Variants in CNGB1 observed in about 807,000 individuals in gnomAD.
CNGB1 encodes cyclic nucleotide-gated channel beta-1.
In CNGB1, 126 loss-of-function variants were observed where a neutral mutation model predicts 151.7. That is an observed-to-expected ratio of 0.83 (90% CI 0.72 to 0.96). CNGB1 has a LOEUF of 0.96. CNGB1 is among the 40% of genes least tolerant of loss of function. The probability of loss-of-function intolerance (pLI) is 0.00; values close to 1 mark genes in which losing one functional copy is unlikely to be tolerated. For missense variants in CNGB1, 1,698 were observed against 1,627.0 expected (o/e 1.04, Z -0.75); for synonymous variants, 623 against 635.1 (o/e 0.98, Z 0.29).
chr16:57,923,221 C>A, intron 18 of CNGB1, 52 bp downstream of exon 18: 1 of 1,305,842 alleles, frequency 7.7e-7, no homozygotes, highest in South Asian at 1.2e-5. Context: ...CCCCCACATC[C>A]CCCACCCTCC....
intron 27 of CNGB1, among the ~76,000 whole-genome samples, chr16:57,902,868 C>G (rs1724983140): frequency 1.3e-5 from 2 of 152,188 alleles, no homozygotes; most frequent in African/African-American, 4.8e-5. Context: ...CCGCCTCAGC[C>G]TCCCAAAGTG....
At chr16:57,890,247 G>A (rs564829123) in intron 31 of CNGB1, among the ~76,000 whole-genome samples, 3 of 152,282 alleles carry the variant, frequency 2.0e-5, no homozygotes, top group African/African-American at 7.2e-5. Context: ...GAGGCAATGG[G>A]TTTAAATTGT....
At chr16:57,946,937 C>T (rs1227378257) in intron 14 of CNGB1, among the ~76,000 whole-genome samples, 1 of 152,234 alleles carries the variant, frequency 6.6e-6, no homozygotes, top group Non-Finnish European at 1.5e-5. Context: ...ACTCTGGATG[C>T]ATGTGCATTT....
chr16:57,887,400 G>T (rs745506133), intron 32 of CNGB1, among the ~76,000 whole-genome samples: 6 of 152,050 alleles, frequency 3.9e-5, no homozygotes, highest in Non-Finnish European at 5.9e-5. Context: ...ACACCGAATG[G>T]CTCAAGAATT....
Position 57,920,483 on chromosome 16 carries a change from G to A in CNGB1, c.1705C>T (p.Gln569Ter), listed in dbSNP as rs1463251101. 2 of 1,614,174 alleles carry A rather than the reference G, an allele frequency of 1.2e-6. No individual in the cohort carries two copies. The highest frequency in any genetic ancestry group is 1.7e-6 in the Non-Finnish European group (2 of 1,180,042). Residue 569 changes from glutamine to a stop codon, truncating the protein, a stop_gained, in exon 19 of 33, where the codon CAG (glutamine) becomes TAG (stop). Transcript: ENST00000251102. LOFTEE classifies it high-confidence loss of function. ...TNSAIINDRLQELVKLFKERT... is the reference protein window; with the variant it reads ...TNSAIINDRL Reference sequence around the variant, plus strand: ...TCCTTGAAGAGCTTCACCAGCTCCTGGAGCCGGTCGTTGATGATGGCGCTA... The same window carrying A: ...TCCTTGAAGAGCTTCACCAGCTCCTAGAGCCGGTCGTTGATGATGGCGCTA...
At chr16:57,954,098 C>T (rs1962027490) in intron 12 of CNGB1, among the ~76,000 whole-genome samples, 1 of 152,196 alleles carries the variant, frequency 6.6e-6, no homozygotes, top group Non-Finnish European at 1.5e-5. Flanking sequence ...TCCCCATTGC[C>T]TACAGCTTAG....
intron 17 of CNGB1, 68 bp downstream of exon 17, chr16:57,931,648 C>T: frequency 6.4e-7 from 1 of 1,568,830 alleles, no homozygotes; most frequent in East Asian, 2.3e-5. Context: ...TGGCCTCAGT[C>T]TCTTCATCTG....
rs1959820967 is a variant in CNGB1, at chr16:57,883,794, C to T, written c.*370G>A. On this transcript the variant is annotated 3_prime_UTR_variant, in exon 33 of 33. Transcript: ENST00000251102. The stretch of plus-strand genomic sequence containing the variant: ...ACCCCACACATTCAATAACACTTTA[C>T]TTTTTCAGCAAAGCTTCCCATGTAT... 1 of 351,264 alleles carries T rather than the reference C, an allele frequency of 2.8e-6. No homozygotes were observed. The highest frequency in any genetic ancestry group is 7.1e-5 in the East Asian group (1 of 14,068). The allele number at this position is 351,264 out of a possible 1,614,324, so 21.8% of individuals were successfully genotyped here.
intron 7 of CNGB1, among the ~76,000 whole-genome samples, chr16:57,961,446 T>G (rs1252469812): frequency 5.9e-5 from 9 of 152,160 alleles, no homozygotes; most frequent in Admixed American, 5.2e-4. Context: ...TCTGGGAAGC[T>G]CCACTCTCTT....
At chr16:57,916,866 T>C (rs1430600177) in intron 21 of CNGB1, among the ~76,000 whole-genome samples, 1 of 152,100 alleles carries the variant, frequency 6.6e-6, no homozygotes, top group Non-Finnish European at 1.5e-5. Context: ...GCATGCATCG[T>C]TTCAACCAAT....
intron 14 of CNGB1, among the ~76,000 whole-genome samples, chr16:57,948,268 A>G (rs1173706460): frequency 1.3e-5 from 2 of 151,476 alleles, no homozygotes; most frequent in African/African-American, 2.4e-5. Context: ...AACAAGTTCA[A>G]GGCTTTACAA....
intron 17 of CNGB1, among the ~76,000 whole-genome samples, chr16:57,925,371 C>A (rs1961156099): frequency 6.6e-6 from 1 of 152,150 alleles, no homozygotes; most frequent in Non-Finnish European, 1.5e-5. Context: ...TAGACTAATA[C>A]AGGAATTGAA....
At chr16:57,891,851 C>T (rs145114013) in intron 31 of CNGB1, among the ~76,000 whole-genome samples, 21 of 152,210 alleles carry the variant, frequency 1.4e-4, no homozygotes, top group African/African-American at 2.9e-4. Context: ...GCCACTGTGC[C>T]GGCTAAAGAC....
rs1000656405 is a variant in CNGB1 at position 57,922,524 on chromosome 16, G to A, written c.1643+749C>T. Among the ~76,000 whole-genome samples the A allele has an allele frequency of 1.1e-4, 16 of 151,198 alleles. No homozygotes were observed. The South Asian group carries it at 1.2e-3, about 12-fold the overall frequency. ...GCTCACTGCAACCTCTACCTCCCAG[G>A]TTCAAGTGATTCTCCTGTCTCAGCC... On this transcript the variant is annotated intron_variant, in intron 18 of 32. Coordinates refer to ENST00000251102, the MANE Select transcript of CNGB1 (RefSeq NM_001297.5).
chr16:57,940,295 G>A lies in CNGB1; in HGVS notation c.1148C>T (p.Ser383Leu), dbSNP rs1340092292. ...TEVLLDSCVV[S>L]QVGVGQSEED... ...TTCACTCTGGCCCACGCCCACCTGC[G>A]ACACCACACAGCTATCCAGCAGCAC... The change falls in exon 15 of 33, where the codon TCG becomes TTG. Residue 383 changes from serine to leucine, a missense_variant. Transcript: ENST00000251102. 7.6e-6 allele frequency: 12 copies of A among 1,583,478 alleles called. No individual in the cohort carries two copies. The highest frequency in any genetic ancestry group is 2.3e-5 in the South Asian group (2 of 86,604).
intron 14 of CNGB1, among the ~76,000 whole-genome samples, chr16:57,944,926 G>A (rs535431954): frequency 1.4e-5 from 2 of 143,470 alleles, no homozygotes; most frequent in South Asian, 2.2e-4. Flanking sequence ...TCCACTCCCT[G>A]GGCAACAGAG....
intron 12 of CNGB1, among the ~76,000 whole-genome samples, chr16:57,954,222 A>G (rs1299552760): frequency 6.6e-6 from 1 of 152,086 alleles, no homozygotes; most frequent in Non-Finnish European, 1.5e-5. Flanking sequence ...TATTCCCTCT[A>G]CTGGGATTGC....
chr16:57,923,437 A>C, intron 17 of CNGB1, 57 bp from the exon 18 acceptor site: 1 of 1,405,786 alleles, frequency 7.1e-7, no homozygotes, highest in Non-Finnish European at 1.0e-6. Flanking sequence ...CCCAGGGAGA[A>C]GTGTCATGAC....
chr16:57,954,914 A>G, intron 12 of CNGB1: 1 of 1,030,100 alleles, frequency 9.7e-7, no homozygotes, highest in Non-Finnish European at 1.2e-6. Flanking sequence ...TAATTTATTA[A>G]TTTAAAAAAG....
Sources: gnomAD v4.1 joint callset for allele counts (sites outside exome capture counted in the v4.1 genomes callset) on GRCh38, gnomAD v4.1.1 for gene constraint, MANE v1.5 for transcripts, NCBI Gene and HGNC (gene_info 2026-07-23, HGNC 2026-07-21) for gene names.